Variants in PPP2R5E observed in about 807,000 individuals in gnomAD.
PPP2R5E encodes the protein protein phosphatase 2 regulatory subunit B'epsilon.
Under a neutral mutation model 65.3 loss-of-function variants are expected in PPP2R5E, and 4 were observed. That is an observed-to-expected ratio of 0.06 (90% CI 0.03 to 0.14). The LOEUF is 0.14. Among genes scored for constraint, PPP2R5E ranks in the 10% least tolerant of loss-of-function variants. The pLI is 1.00. For missense variants in PPP2R5E, 274 were observed against 556.1 expected (o/e 0.49, Z 5.10); for synonymous variants, 183 against 187.4 (o/e 0.98, Z 0.19).
At chr14:63,531,497 T>A (rs971751461) in intron 2 of PPP2R5E, among the ~76,000 whole-genome samples, 8 of 148,614 alleles carry the variant, frequency 5.4e-5, no homozygotes, top group Non-Finnish European at 1.0e-4. Flanking sequence ...AAAAAAAAAA[T>A]AACATAGTTT....
intron 3 of PPP2R5E, among the ~76,000 whole-genome samples, chr14:63,447,085 G>A (rs1888521347): frequency 6.6e-6 from 1 of 152,156 alleles, no homozygotes; most frequent in Non-Finnish European, 1.5e-5. Context: ...TAGCATGGTT[G>A]TTAGACGCCC....
chr14:63,421,119 G>A (rs886167529), intron 4 of PPP2R5E, among the ~76,000 whole-genome samples: 5 of 117,670 alleles, frequency 4.2e-5, no homozygotes, highest in Admixed American at 9.5e-5. Context: ...ACATTTCTAC[G>A]AAAATGCAGC....
intron 2 of PPP2R5E, among the ~76,000 whole-genome samples, chr14:63,533,722 C>T (rs1345181594): frequency 6.6e-6 from 1 of 151,650 alleles, no homozygotes; most frequent in African/African-American, 2.4e-5. Flanking sequence ...GGCAGGCGGA[C>T]GCACCTGTGG....
intron 2 of PPP2R5E, among the ~76,000 whole-genome samples, chr14:63,514,410 C>G (rs1382488699): frequency 6.6e-6 from 1 of 151,988 alleles, no homozygotes; most frequent in Non-Finnish European, 1.5e-5. Context: ...AAAGCAACAC[C>G]TTTCCTGCTA....
intron 4 of PPP2R5E, 114 bp from the exon 5 acceptor site, chr14:63,415,346 T>A: frequency 1.6e-6 from 1 of 623,842 alleles, no homozygotes; most frequent in Non-Finnish European, 2.6e-6. Flanking sequence ...TTGATTTTAA[T>A]ATCAATCAAC....
chr14:63,454,588 G>C (rs1158515821), intron 2 of PPP2R5E, among the ~76,000 whole-genome samples: 1 of 152,178 alleles, frequency 6.6e-6, no homozygotes, highest in East Asian at 1.9e-4. Context: ...ATGGACATCT[G>C]CTCTTTTCCC....
chr14:63,521,956 CCCCTCCCCCTCT>C (rs1464375617), intron 2 of PPP2R5E, among the ~76,000 whole-genome samples: 35 of 133,846 alleles, frequency 2.6e-4, no homozygotes, highest in South Asian at 1.2e-3. Context: ...CCTCCCCCTC[CCCCTCCCCCTCT>C]CCCCACGGTC....
intron 11 of PPP2R5E, among the ~76,000 whole-genome samples, chr14:63,387,081 T>C (rs1884719022): frequency 6.6e-6 from 1 of 151,716 alleles, no homozygotes; most frequent in East Asian, 1.9e-4. Context: ...TCAAAGCAAA[T>C]GACGTAACTG....
chr14:63,533,581 T>C (rs1893534658), intron 2 of PPP2R5E, among the ~76,000 whole-genome samples: 1 of 151,104 alleles, frequency 6.6e-6, no homozygotes, highest in Non-Finnish European at 1.5e-5. Context: ...GTTGTAAGAA[T>C]ATCTAAAAGT....
At chr14:63,442,178 G>T (rs1337455551) in intron 3 of PPP2R5E, among the ~76,000 whole-genome samples, 1 of 152,078 alleles carries the variant, frequency 6.6e-6, no homozygotes, top group South Asian at 2.1e-4. Flanking sequence ...AATGTCTTTG[G>T]GAGATCTCAT....
intron 13 of PPP2R5E, among the ~76,000 whole-genome samples, chr14:63,376,618 A>G (rs551433588): frequency 6.6e-6 from 1 of 152,348 alleles, no homozygotes; most frequent in African/African-American, 2.4e-5. Flanking sequence ...AGTGATTTTC[A>G]GACTTTGAGA....
intron 3 of PPP2R5E, among the ~76,000 whole-genome samples, chr14:63,436,695 C>T (rs1410277360): frequency 2.0e-4 from 31 of 152,204 alleles, no homozygotes; most frequent in Non-Finnish European, 2.9e-5. Context: ...CAGCCCTCCC[C>T]GTTGACAGTG....
At chr14:63,410,338 G>A (rs1886327379) in intron 5 of PPP2R5E, among the ~76,000 whole-genome samples, 1 of 152,172 alleles carries the variant, frequency 6.6e-6, no homozygotes, top group Admixed American at 6.5e-5. Context: ...ACTAGGAACA[G>A]GTGGCACCAT....
At chr14:63,493,994 C>T (rs1258954433) in intron 2 of PPP2R5E, among the ~76,000 whole-genome samples, 3 of 152,078 alleles carry the variant, frequency 2.0e-5, no homozygotes, top group South Asian at 4.1e-4. Flanking sequence ...TAAAACGCAA[C>T]GTCTAAAGCA....
At chr14:63,428,447 A>T (rs1470526118) in intron 3 of PPP2R5E, among the ~76,000 whole-genome samples, 3 of 152,222 alleles carry the variant, frequency 2.0e-5, no homozygotes, top group African/African-American at 7.2e-5. Flanking sequence ...TTCACTATTT[A>T]TCTGAAATTC....
intron 2 of PPP2R5E, among the ~76,000 whole-genome samples, chr14:63,509,906 C>A (rs536958422): frequency 2.6e-5 from 4 of 152,246 alleles, no homozygotes; most frequent in Admixed American, 2.6e-4. Flanking sequence ...TGGGAGCTTG[C>A]AGGAATTTCA....
chr14:63,479,966 T>A (rs1037480804), intron 2 of PPP2R5E, among the ~76,000 whole-genome samples: 3 of 152,162 alleles, frequency 2.0e-5, no homozygotes, highest in Admixed American at 1.3e-4. Flanking sequence ...TAGTAAAACT[T>A]TCCACAAAGA....
chr14:63,514,891 A>G (rs981260826), intron 2 of PPP2R5E, among the ~76,000 whole-genome samples: 1 of 152,236 alleles, frequency 6.6e-6, no homozygotes, highest in Admixed American at 6.5e-5. Flanking sequence ...TTTACAGACA[A>G]GCAAACAGAG....
intron 5 of PPP2R5E, among the ~76,000 whole-genome samples, chr14:63,407,681 T>C (rs1486266542): frequency 6.6e-6 from 1 of 152,242 alleles, no homozygotes; most frequent in African/African-American, 2.4e-5. Flanking sequence ...CATATTGCTA[T>C]AGTCTGAATG....
Sources: allele counts gnomAD v4.1 joint callset (sites outside exome capture counted in the v4.1 genomes callset), GRCh38; gene constraint gnomAD v4.1.1; transcripts MANE v1.5; gene names NCBI Gene and HGNC (gene_info 2026-07-23, HGNC 2026-07-21).